The following CACNB4 variants were observed in gnomAD, a reference collection of about 807,000 sequenced individuals.
The protein encoded by CACNB4 is voltage-dependent L-type calcium channel subunit beta-4.
In CACNB4, 32 loss-of-function variants were observed where a neutral mutation model predicts 71.2. The ratio of observed to expected loss-of-function variants is 0.45; its 90% CI spans 0.34 to 0.60. The LOEUF is 0.60. Ranked by LOEUF, CACNB4 falls within the 20% of genes least tolerant of loss-of-function variation. The pLI, the probability that CACNB4 is intolerant of heterozygous loss-of-function variation, is 0.01. For synonymous variants in CACNB4, 231 were observed against 236.9 expected, an observed-to-expected ratio of 0.97 and a Z score of 0.23; for missense variants, 464 against 647.9, an observed-to-expected ratio of 0.72 and a Z score of 3.08.
chr2:152,047,860 C>T (rs1290152347), intron 2 of CACNB4, among the ~76,000 whole-genome samples: 1 of 152,214 alleles, frequency 6.6e-6, no homozygotes, highest in Non-Finnish European at 1.5e-5. Context: ...GATTGAGCCA[C>T]TCCACTCCAG....
At position 152,098,923 on chromosome 2, in the gene CACNB4, G is replaced by A; in HGVS notation, c.63+26C>T. 1 of 1,397,258 alleles carries A rather than the reference G, an allele frequency of 7.2e-7. No individual in the cohort carries two copies. 86.6% of individuals were successfully genotyped at this position (1,397,258 alleles called of 1,614,324 possible). A position where few individuals can be genotyped will look rare whatever the true frequency, so the allele number is the denominator to read the frequency against. The stretch of plus-strand genomic sequence containing the variant: ...GTGTGAGGAAGGAAGAGGAGGAAGA[G>A]GAGAAGGGGGAGGAGGGGGCGGTAC... On this transcript the variant is annotated intron_variant, in intron 1 of 13. Transcript: ENST00000539935. The surrounding 1 kb of genome is among the most constrained non-coding windows in gnomAD (Gnocchi z 5.3).
chr2:151,878,923 A>G (rs564319220), intron 4 of CACNB4, among the ~76,000 whole-genome samples: 43 of 152,352 alleles, frequency 2.8e-4, no homozygotes, highest in South Asian at 1.9e-3. Context: ...AAAAAATAAA[A>G]AAGAAAAGAA....
intron 2 of CACNB4, among the ~76,000 whole-genome samples, chr2:151,929,179 A>G (rs935219697): frequency 6.6e-6 from 1 of 152,118 alleles, no homozygotes; most frequent in Non-Finnish European, 1.5e-5. Flanking sequence ...GATGGAACCA[A>G]GAGGAGACAC....
At chr2:151,974,792 G>A (rs2099873470) in intron 2 of CACNB4, among the ~76,000 whole-genome samples, 2 of 132,078 alleles carry the variant, frequency 1.5e-5, no homozygotes, top group Non-Finnish European at 3.1e-5. Flanking sequence ...GTTTCTCTAG[G>A]TACTTAGAAC....
In CACNB4 at chr2:151,833,644, G is replaced by A. The variant is rs1309965528; in HGVS notation, c.*5475C>T. The A allele has an allele frequency of 6.6e-6, 1 of 152,030 alleles. No individual in the cohort carries two copies. The highest frequency in any genetic ancestry group is 1.5e-5 in the Non-Finnish European group (1 of 67,942). The allele number at this position is 152,030 out of a possible 1,614,324, so 9.4% of individuals were successfully genotyped here. On this transcript the variant is annotated 3_prime_UTR_variant, in exon 14 of 14. Transcript: ENST00000539935. ...TAAATTGCTGGAAAAGTATCAAGCA[G>A]CAAGTTAAAAAGATGGTAGATGAAG... is the stretch of plus-strand genomic sequence containing the variant.
chr2:151,934,760 C>G (rs902817037), intron 2 of CACNB4, among the ~76,000 whole-genome samples: 7 of 152,282 alleles, frequency 4.6e-5, no homozygotes, highest in Admixed American at 1.3e-4. Flanking sequence ...CTGCTTGAAC[C>G]CGGGAGGCGG....
intron 7 of CACNB4, 91 bp from the exon 8 acceptor site, chr2:151,870,702 G>C: frequency 7.7e-7 from 1 of 1,295,470 alleles, no homozygotes; most frequent in South Asian, 1.3e-5. Flanking sequence ...TTCTCAGGTT[G>C]AACGACAAAT....
At chr2:152,057,290 C>T (rs1685776704) in intron 2 of CACNB4, among the ~76,000 whole-genome samples, 1 of 152,136 alleles carries the variant, frequency 6.6e-6, no homozygotes, top group African/African-American at 2.4e-5. Flanking sequence ...AGATGAGACC[C>T]CAGGTCTAGC....
chr2:152,055,520 C>T (rs1440167319), intron 2 of CACNB4, among the ~76,000 whole-genome samples: 1 of 152,178 alleles, frequency 6.6e-6, no homozygotes, highest in Non-Finnish European at 1.5e-5. Flanking sequence ...TACCCTGACT[C>T]ACTCACTTAT....
chr2:151,986,670 A>C (rs532558088), intron 2 of CACNB4, among the ~76,000 whole-genome samples: 1 of 152,306 alleles, frequency 6.6e-6, no homozygotes, highest in South Asian at 2.1e-4. Flanking sequence ...AATGAAGAAA[A>C]AATATATAGA....
At chr2:151,955,139 G>T (rs950325643) in intron 2 of CACNB4, among the ~76,000 whole-genome samples, 2 of 152,098 alleles carry the variant, frequency 1.3e-5, no homozygotes, top group Non-Finnish European at 2.9e-5. Context: ...ACAGGCGTGA[G>T]CCACCGTGCC....
At chr2:152,023,401 C>T (rs969927220) in intron 2 of CACNB4, among the ~76,000 whole-genome samples, 3 of 150,000 alleles carry the variant, frequency 2.0e-5, no homozygotes, top group Non-Finnish European at 4.4e-5. Flanking sequence ...AAAGAGAATG[C>T]GCTCTGGATA....
At chr2:151,989,069 G>T (rs1681537595) in intron 2 of CACNB4, among the ~76,000 whole-genome samples, 1 of 152,124 alleles carries the variant, frequency 6.6e-6, no homozygotes, top group African/African-American at 2.4e-5. Flanking sequence ...TTCAGTGGAA[G>T]AAAGTATCCC....
chr2:152,006,103 C>T (rs141947419), intron 2 of CACNB4, among the ~76,000 whole-genome samples: 1 of 152,332 alleles, frequency 6.6e-6, no homozygotes, highest in East Asian at 1.9e-4. Context: ...GCCTCATATA[C>T]CATGTGGTCT....
At chr2:151,999,593 C>T (rs1188270153) in intron 2 of CACNB4, among the ~76,000 whole-genome samples, 1 of 152,072 alleles carries the variant, frequency 6.6e-6, no homozygotes, top group African/African-American at 2.4e-5. Flanking sequence ...TTCTTAAAGC[C>T]CCTTGGGTGA....
intron 2 of CACNB4, among the ~76,000 whole-genome samples, chr2:151,927,449 G>T (rs1399788068): frequency 6.6e-6 from 1 of 152,158 alleles, no homozygotes; most frequent in Non-Finnish European, 1.5e-5. Context: ...GACCCTATGT[G>T]GGCTCTATTC....
At chr2:152,080,238 C>T (rs1418667367) in intron 2 of CACNB4, among the ~76,000 whole-genome samples, 2 of 152,006 alleles carry the variant, frequency 1.3e-5, no homozygotes, top group African/African-American at 4.8e-5. Context: ...TCTCCTGCCT[C>T]AGCCTCCTGA....
At chr2:152,059,643 G>C (rs1310688559) in intron 2 of CACNB4, among the ~76,000 whole-genome samples, 1 of 152,208 alleles carries the variant, frequency 6.6e-6, no homozygotes, top group Non-Finnish European at 1.5e-5. Flanking sequence ...GAAGGGACTT[G>C]CATTGTCTCA....
At chr2:151,937,930 C>A (rs1299142280) in intron 2 of CACNB4, among the ~76,000 whole-genome samples, 2 of 152,198 alleles carry the variant, frequency 1.3e-5, no homozygotes, top group Admixed American at 1.3e-4. Context: ...ATCTGCAGGG[C>A]TGAGGAACCC....
Sources: gnomAD v4.1 joint callset for allele counts (sites outside exome capture counted in the v4.1 genomes callset) on GRCh38, gnomAD v4.1.1 for gene constraint, Gnocchi (gnomAD v3.1) non-coding constraint, MANE v1.5 for transcripts, NCBI Gene and HGNC (gene_info 2026-07-23, HGNC 2026-07-21) for gene names.